L2HGDH: variants seen among roughly 807,000 people sequenced by gnomAD.
The protein encoded by L2HGDH is L-2-hydroxyglutarate dehydrogenase, mitochondrial.
L2HGDH carries 34 observed loss-of-function variants against 51.5 expected under a neutral mutation model. That is an observed-to-expected ratio of 0.66 (90% CI 0.50 to 0.88). The LOEUF (loss-of-function observed/expected upper bound fraction) is 0.88. Ranked by LOEUF, L2HGDH falls within the 40% of genes least tolerant of loss-of-function variation. The pLI, the probability that L2HGDH is intolerant of heterozygous loss-of-function variation, is 0.00. For synonymous variants in L2HGDH, 198 were observed against 197.9 expected, an observed-to-expected ratio of 1.00 and a Z score of -0.01; for missense variants, 558 against 571.9, an observed-to-expected ratio of 0.98 and a Z score of 0.25.
chr14:50,277,457 G>A (rs1002400474), intron 6 of L2HGDH, among the ~76,000 whole-genome samples: 12 of 151,992 alleles, frequency 7.9e-5, no homozygotes, highest in African/African-American at 2.9e-4. Flanking sequence ...ACTTAAACTT[G>A]GTCAAAACAG....
chr14:50,297,158 G>C lies in L2HGDH; in HGVS notation c.409-2912C>G, dbSNP rs535499588. Among the ~76,000 whole-genome samples the C allele has an allele frequency of 5.3e-5, 8 of 152,146 alleles. 1 individual carries two copies. In the South Asian group the frequency reaches 1.0e-3, roughly 20 times the overall value. ...ATCCACAGCTAACATCATACTTAAGGGTAAAAGATTGAATGCTTTCTCTAT... is the reference window on the plus strand; with the variant it reads ...ATCCACAGCTAACATCATACTTAAGCGTAAAAGATTGAATGCTTTCTCTAT... On this transcript the variant is annotated intron_variant, in intron 3 of 9. Coordinates refer to ENST00000267436, the MANE Select transcript of L2HGDH (RefSeq NM_024884.3).
chr14:50,272,876 A>G (rs1247147446), intron 6 of L2HGDH, among the ~76,000 whole-genome samples: 1 of 152,132 alleles, frequency 6.6e-6, no homozygotes, highest in African/African-American at 2.4e-5. Flanking sequence ...CAGTTGACCA[A>G]AGAAGAAAAA....
In L2HGDH at chr14:50,246,861, T is replaced by G; in HGVS notation, c.*197A>C. ...CCTCAGCCTCCTGAGTAGCTGAGAT[T>G]ACAGGCATGCGCCACCATGCCTGGC... On this transcript the variant is annotated 3_prime_UTR_variant, in exon 10 of 10. Transcript: ENST00000267436. The G allele has an allele frequency of 1.1e-6, 1 of 884,444 alleles. No homozygotes were observed. The highest frequency in any genetic ancestry group is 3.0e-5 in the East Asian group (1 of 33,518). 54.8% of individuals were successfully genotyped at this position (884,444 alleles called of 1,614,324 possible).
chr14:50,304,128 G>T (rs1448103367), intron 1 of L2HGDH, among the ~76,000 whole-genome samples: 1 of 152,216 alleles, frequency 6.6e-6, no homozygotes, highest in African/African-American at 2.4e-5. Flanking sequence ...AGCCTGTACA[G>T]CAGGTTACTA....
At chr14:50,308,388 G>GAAAAA (rs71118865) in intron 1 of L2HGDH, among the ~76,000 whole-genome samples, 1 of 131,520 alleles carries the variant, frequency 7.6e-6, no homozygotes, top group Non-Finnish European at 1.6e-5. Context: ...CTCCATCTCA[G>GAAAAA]AAAAAAAAAA....
At chr14:50,306,946 G>C (rs1466526149) in intron 1 of L2HGDH, among the ~76,000 whole-genome samples, 2 of 152,010 alleles carry the variant, frequency 1.3e-5, no homozygotes, top group Non-Finnish European at 2.9e-5. Flanking sequence ...CTCCCTAGTA[G>C]CTGATATTAT....
Position 50,245,746 on chromosome 14 carries a change from T to C in L2HGDH, c.*1312A>G, listed in dbSNP as rs200334388. The C allele has an allele frequency of 1.3e-5, 13 of 985,182 alleles. No homozygotes were observed. Among genetic ancestry groups the C allele is most frequent in the African/African-American group, 3.5e-5 (2 of 57,208 alleles). 61.0% of individuals were successfully genotyped at this position (985,182 alleles called of 1,614,324 possible). A position where few individuals can be genotyped will look rare whatever the true frequency, so the allele number is the denominator to read the frequency against. ...AAATTGATTTAAGGAAATAATCTAT[T>C]TTTATGCCATCTTTCTCCAAAACTC... On this transcript the variant is annotated 3_prime_UTR_variant, in exon 10 of 10. Coordinates refer to ENST00000267436, the MANE Select transcript of L2HGDH (RefSeq NM_024884.3).
intron 3 of L2HGDH, among the ~76,000 whole-genome samples, chr14:50,298,277 G>T (rs1040557906): frequency 6.6e-6 from 1 of 151,800 alleles, no homozygotes; most frequent in African/African-American, 2.4e-5. Context: ...AGGCATGGTG[G>T]TGCACCTGTG....
rs1457675472 is a variant in L2HGDH, at chr14:50,242,442, A to G, written c.*4616T>C. On this transcript the variant is annotated 3_prime_UTR_variant, in exon 10 of 10. Coordinates refer to ENST00000267436, the MANE Select transcript of L2HGDH (RefSeq NM_024884.3). ...CCAGGGACAAAAGAAACTTAAAATAAGATAACTTTAATGTGAGATCCTTCC... is the reference window on the plus strand; with the variant it reads ...CCAGGGACAAAAGAAACTTAAAATAGGATAACTTTAATGTGAGATCCTTCC... 2 of 982,866 alleles carry G rather than the reference A, an allele frequency of 2.0e-6. No individual in the cohort carries two copies. Among genetic ancestry groups the G allele is most frequent in the Non-Finnish European group, 2.4e-6 (2 of 827,716 alleles). 60.9% of individuals were successfully genotyped at this position (982,866 alleles called of 1,614,324 possible).
At position 50,302,078 on chromosome 14, in the gene L2HGDH, C is replaced by T. The variant is rs781009608; in HGVS notation, c.347G>A (p.Gly116Asp). ...ACAGTACTCATAGAGGAGGGCTGCA[C>T]CTTGTACACATAATTTGGCTTTCAG... ...ESLKAKLCVQ[G>D]AALLYEYCQQ... Residue 116 changes from glycine to aspartate, a missense_variant, in exon 3 of 10, where the codon GGT becomes GAT. Physicochemically the swap from Gly to Asp is moderately conservative, Grantham distance 94. Coordinates refer to ENST00000267436, the MANE Select transcript of L2HGDH (RefSeq NM_024884.3). 6 of 1,613,968 alleles carry T rather than the reference C, an allele frequency of 3.7e-6. No homozygotes were observed. Among genetic ancestry groups the T allele is most frequent in the Non-Finnish European group, 5.1e-6 (6 of 1,180,014 alleles).
chr14:50,247,203 A>C lies in L2HGDH; in HGVS notation c.1247T>G (p.Val416Gly). ...TCCTGCATCAAATACAAAATCTTCT[A>C]CCAGATTTCCATCTCTATCCAGGGC... Reference protein sequence around the residue: ...AQALDRDGNLVEDFVFDAGVG... With the variant: ...AQALDRDGNLGEDFVFDAGVG... The change falls in exon 10 of 10, where the codon GTA (valine) becomes GGA (glycine). Residue 416 changes from valine (V) to glycine (G), a missense_variant. By Grantham distance (109) the Val-to-Gly change is moderately radical (BLOSUM62 -3). This residue lies in a region of L2HGDH where 321 missense variants were observed against 311.8 expected (regional missense o/e 1.03). Coordinates refer to ENST00000267436, the MANE Select transcript of L2HGDH (RefSeq NM_024884.3). The C allele has an allele frequency of 6.2e-7, 1 of 1,614,158 alleles. No homozygotes were observed. Among genetic ancestry groups the C allele is most frequent in the Non-Finnish European group, 8.5e-7 (1 of 1,180,014 alleles).
At position 50,245,287 on chromosome 14, in the gene L2HGDH, T is replaced by A. The variant is rs879869210; in HGVS notation, c.*1771A>T. The stretch of plus-strand genomic sequence containing the variant: ...AGATATAATAGATAAATAACTTTTT[T>A]AAATTGGAGTTCTATACATCAGTGT... On this transcript the variant is annotated 3_prime_UTR_variant, in exon 10 of 10. Transcript: ENST00000267436. 344 of 985,032 alleles carry A rather than the reference T, an allele frequency of 3.5e-4. No individual in the cohort carries two copies. The highest frequency in any genetic ancestry group is 4.2e-4 in the South Asian group (9 of 21,278). 61.0% of individuals were successfully genotyped at this position (985,032 alleles called of 1,614,324 possible).
chr14:50,259,010 CTTT>C (rs554295046), intron 9 of L2HGDH, among the ~76,000 whole-genome samples: 2 of 121,502 alleles, frequency 1.6e-5, no homozygotes, highest in Admixed American at 8.6e-5. Flanking sequence ...ACGCCAGGCT[CTTT>C]TTTTTTTTTT....
At chr14:50,261,836 T>G (rs1889044256) in intron 9 of L2HGDH, among the ~76,000 whole-genome samples, 2 of 152,110 alleles carry the variant, frequency 1.3e-5, no homozygotes, top group South Asian at 4.1e-4. Flanking sequence ...GAGAAGTTTA[T>G]CTAATGCAAA....
chr14:50,306,024 A>G (rs2030701006), intron 1 of L2HGDH, among the ~76,000 whole-genome samples: 1 of 151,526 alleles, frequency 6.6e-6, no homozygotes, highest in Non-Finnish European at 1.5e-5. Flanking sequence ...AACCCACAAA[A>G]ACGAGGACTG....
At chr14:50,255,237 T>C (rs1256473831) in intron 9 of L2HGDH, among the ~76,000 whole-genome samples, 1 of 151,860 alleles carries the variant, frequency 6.6e-6, no homozygotes, top group Non-Finnish European at 1.5e-5. Context: ...AAATAAGTAT[T>C]ATTATTTGAA....
chr14:50,273,746 T>C lies in L2HGDH; in HGVS notation c.739-4416A>G, dbSNP rs186132372. On this transcript the variant is annotated intron_variant, in intron 6 of 9. Transcript: ENST00000267436. ...ATATCCAAAAAATGTAAGAAACTCATATAATTCAATAGCAAAAGAACAAAT... is the reference window on the plus strand; with the variant it reads ...ATATCCAAAAAATGTAAGAAACTCACATAATTCAATAGCAAAAGAACAAAT... Among the ~76,000 whole-genome samples, 608 of 152,240 alleles carry C rather than the reference T, an allele frequency of 4.0e-3. 5 individuals carry two copies. The highest frequency in any genetic ancestry group is 0.014 in the African/African-American group (586 of 41,552).
intron 4 of L2HGDH, among the ~76,000 whole-genome samples, chr14:50,290,274 AAAACAAAAACAAAC>A (rs937920111): frequency 6.6e-6 from 1 of 152,148 alleles, no homozygotes; most frequent in Non-Finnish European, 1.5e-5. Flanking sequence ...CTCATAAAAA[AAAACAAAAACAAAC>A]AAACAAAAAA....
At chr14:50,255,628 C>A (rs915176968) in intron 9 of L2HGDH, among the ~76,000 whole-genome samples, 1 of 152,002 alleles carries the variant, frequency 6.6e-6, no homozygotes, top group Non-Finnish European at 1.5e-5. Flanking sequence ...TGTCAACACC[C>A]CTACATCACC....
Sources: gnomAD v4.1 joint callset for allele counts (sites outside exome capture counted in the v4.1 genomes callset) on GRCh38, gnomAD v4.1.1 for gene constraint, gnomAD v4.1.1 regional missense constraint, MANE v1.5 for transcripts, NCBI Gene and HGNC (gene_info 2026-07-23, HGNC 2026-07-21) for gene names.